The following IFT140 variants were observed in gnomAD, a reference collection of about 807,000 sequenced individuals.
IFT140 encodes intraflagellar transport protein 140 homolog.
IFT140 carries 133 observed loss-of-function variants against 164.6 expected under a neutral mutation model. That is an observed-to-expected ratio of 0.81 (90% confidence interval 0.70 to 0.93). The LOEUF (loss-of-function observed/expected upper bound fraction) is 0.93. Among genes scored for constraint, IFT140 ranks in the 40% least tolerant of loss-of-function variants. The probability of loss-of-function intolerance (pLI) is 0.00; values close to 1 mark genes in which losing one functional copy is unlikely to be tolerated. For synonymous variants in IFT140, 860 were observed against 817.3 expected, an observed-to-expected ratio of 1.05 and a Z score of -0.89; for missense variants, 2,045 against 1,972.3, an observed-to-expected ratio of 1.04 and a Z score of -0.70.
intron 2 of IFT140, among the ~76,000 whole-genome samples, chr16:1,609,077 T>A (rs1248486026): frequency 6.6e-6 from 1 of 151,764 alleles, no homozygotes; most frequent in Non-Finnish European, 1.5e-5. Flanking sequence ...ATCGCTTGAA[T>A]CCAGGAGGCG....
rs751657706 is a variant in IFT140 at position 1,520,584 on chromosome 16, G to A, written c.3660+18C>T. ...CTGCCTGTGAGGTAGCCGCGGGCTG[G>A]GGCCGGGAGAGGCTCACCTTCAGCT... On this transcript the variant is annotated intron_variant, in intron 27 of 30. Coordinates refer to ENST00000426508, the MANE Select transcript of IFT140 (RefSeq NM_014714.4). 2.6e-6 allele frequency: 4 copies of A among 1,555,260 alleles called. No individual in the cohort carries two copies. Among genetic ancestry groups the A allele is most frequent in the East Asian group, 2.4e-5 (1 of 41,756 alleles).
chr16:1,586,304 C>A, intron 9 of IFT140, 29 bp from the exon 10 acceptor site: 4 of 1,591,322 alleles, frequency 2.5e-6, no homozygotes, highest in Admixed American at 1.8e-5. Context: ...TGCATGTGAA[C>A]AGAGTTAAAA....
chr16:1,557,497 G>A (rs909818822), intron 19 of IFT140: 2 of 164,546 alleles, frequency 1.2e-5, no homozygotes, highest in African/African-American at 4.8e-5. Flanking sequence ...CTCTTGTGAA[G>A]ATGAAAGAAT....
chr16:1,511,329 C>T (rs1263113853), intron 30 of IFT140, among the ~76,000 whole-genome samples, 179 bp from the exon 31 acceptor site: 5 of 152,218 alleles, frequency 3.3e-5, no homozygotes, highest in Non-Finnish European at 5.9e-5. Context: ...TGAGGGGATG[C>T]GGTGCCCGCG....
chr16:1,586,431 C>A (rs902879022), intron 9 of IFT140, among the ~76,000 whole-genome samples, 156 bp from the exon 10 acceptor site: 2 of 152,100 alleles, frequency 1.3e-5, no homozygotes, highest in East Asian at 3.9e-4. Context: ...TGCCCAGGTC[C>A]TTGCTGCCCT....
intron 30 of IFT140, among the ~76,000 whole-genome samples, chr16:1,513,936 G>C (rs898849839): frequency 6.7e-6 from 1 of 150,328 alleles, no homozygotes; most frequent in Non-Finnish European, 1.5e-5. Context: ...GCCTCCCAAA[G>C]TGCTGGGATT....
At position 1,537,853 on chromosome 16, in the gene IFT140, G is replaced by A. The variant is rs181483443; in HGVS notation, c.2400-11057C>T. On this transcript the variant is annotated intron_variant, in intron 19 of 30. Transcript: ENST00000426508. ...CCACCCCTCTCTCCGGTGGCTCCAC[G>A]TGGCTCCGTCACCACGCATGCCCCG... is the stretch of plus-strand genomic sequence containing the variant. 7.8e-4 allele frequency among the ~76,000 whole-genome samples: 119 copies of A among 152,312 alleles called. 1 individual carries two copies. The highest frequency in any genetic ancestry group is 2.7e-3 in the African/African-American group (112 of 41,568).
At chr16:1,544,709 C>G (rs532922558) in intron 19 of IFT140, among the ~76,000 whole-genome samples, 1 of 151,584 alleles carries the variant, frequency 6.6e-6, no homozygotes, top group Non-Finnish European at 1.5e-5. Flanking sequence ...AGTGCAGTGG[C>G]GCGATCTCGG....
At chr16:1,527,384 G>A (rs2141189518) in intron 19 of IFT140, among the ~76,000 whole-genome samples, 1 of 152,286 alleles carries the variant, frequency 6.6e-6, no homozygotes, top group East Asian at 1.9e-4. Flanking sequence ...GGTCTGCCGA[G>A]CAGAGGGCCC....
intron 29 of IFT140, among the ~76,000 whole-genome samples, chr16:1,519,598 T>C (rs377058274): frequency 2.0e-5 from 3 of 151,992 alleles, no homozygotes; most frequent in African/African-American, 4.8e-5. Flanking sequence ...GGTCTGTGGC[T>C]CCCCAGACAC....
rs758572262 is a variant in IFT140 at position 1,584,375 on chromosome 16, C to T, written c.1201G>A (p.Val401Met). The T allele has an allele frequency of 8.7e-6, 14 of 1,612,452 alleles. No individual in the cohort carries two copies. In the East Asian group the frequency reaches 1.3e-4, roughly 15 times the overall value. Residue 401 changes from valine to methionine, a missense_variant, in exon 11 of 31, where the codon GTG (valine) becomes ATG (methionine). Physicochemically the swap from Val to Met is conservative, Grantham distance 21. Coordinates refer to ENST00000426508, the MANE Select transcript of IFT140 (RefSeq NM_014714.4). ...ATGGCCCGCTCGCTGAGGATGGCCACGGAGATGACGCTGTTCACTGCCAGC... is the reference window on the plus strand; with the variant it reads ...ATGGCCCGCTCGCTGAGGATGGCCATGGAGATGACGCTGTTCACTGCCAGC... ...NLLAVNSVIS[V>M]AILSERAMSS...
chr16:1,535,300 A>C (rs1481136686), intron 19 of IFT140, among the ~76,000 whole-genome samples: 1 of 152,060 alleles, frequency 6.6e-6, no homozygotes, highest in Non-Finnish European at 1.5e-5. Flanking sequence ...ATGCCACCGC[A>C]CCGTGGGGTT....
chr16:1,530,732 G>C (rs1050740924), intron 19 of IFT140: 20 of 152,408 alleles, frequency 1.3e-4, no homozygotes, highest in African/African-American at 4.8e-4. Flanking sequence ...CGTGGGGAGC[G>C]GGAGAGAGCC....
intron 19 of IFT140, among the ~76,000 whole-genome samples, chr16:1,557,036 G>A (rs539746697): frequency 6.6e-5 from 10 of 152,038 alleles, no homozygotes; most frequent in Middle Eastern, 3.2e-3. Context: ...GGCTGGTCTC[G>A]AACGAACTCC....
chr16:1,607,213 G>C lies in IFT140; in HGVS notation c.54C>G (p.Pro18=), dbSNP rs1490576630. 7 of 1,614,040 alleles carry C rather than the reference G, an allele frequency of 4.3e-6. No individual in the cohort carries two copies. In the Admixed American group the frequency reaches 5.0e-5, roughly 12 times the overall value. The change falls in exon 3 of 31, where the codon CCC becomes CCG. Residue 18 remains proline (P), a synonymous_variant. Coordinates refer to ENST00000426508, the MANE Select transcript of IFT140 (RefSeq NM_014714.4). ...QIEAPDAAGS[P]SFISWHPVHP... is the part of the protein sequence containing the mutation. ...GGACAGGGTGCCAGCTGATAAATGA[G>C]GGTGACCCTGCTGCATCCGGGGCTT...
chr16:1,547,930 G>T (rs2032308359), intron 19 of IFT140, among the ~76,000 whole-genome samples: 1 of 152,204 alleles, frequency 6.6e-6, no homozygotes, highest in East Asian at 1.9e-4. Flanking sequence ...TCCCGCTTCA[G>T]CCTCTCAAAG....
rs1410004467 is a variant in IFT140, at chr16:1,592,443, T to C, written c.491+24A>G. 3 of 1,613,052 alleles carry C rather than the reference T, an allele frequency of 1.9e-6. No homozygotes were observed. The East Asian group carries it at 6.7e-5, about 36-fold the overall frequency. ...CCCCCGATGTAAACACACACACAGG[T>C]CACAGGGCAAGCCCCACACTTACTC... On this transcript the variant is annotated intron_variant, in intron 5 of 30. Coordinates refer to ENST00000426508, the MANE Select transcript of IFT140 (RefSeq NM_014714.4).
chr16:1,580,705 G>C, intron 13 of IFT140, 54 bp downstream of exon 13: 1 of 1,173,762 alleles, frequency 8.5e-7, no homozygotes, highest in Non-Finnish European at 1.3e-6. Context: ...TCTCAATTGA[G>C]AGGCAGGATT....
chr16:1,589,981 G>A (rs2035090325), intron 6 of IFT140, among the ~76,000 whole-genome samples: 1 of 152,164 alleles, frequency 6.6e-6, no homozygotes, highest in Non-Finnish European at 1.5e-5. Flanking sequence ...TAGATCACCT[G>A]GGGTCAGGAT....
Sources: gnomAD v4.1 joint callset for allele counts (sites outside exome capture counted in the v4.1 genomes callset) on GRCh38, gnomAD v4.1.1 for gene constraint, MANE v1.5 for transcripts, NCBI Gene and HGNC (gene_info 2026-07-23, HGNC 2026-07-21) for gene names.